SRRM1: variants seen among roughly 807,000 people sequenced by gnomAD.
SRRM1 encodes serine and arginine repetitive matrix 1.
In SRRM1, 19 loss-of-function variants were observed where a neutral mutation model predicts 110.2. That is an observed-to-expected ratio of 0.17 (90% CI 0.12 to 0.25). The LOEUF (loss-of-function observed/expected upper bound fraction) is 0.25, where lower values mean the gene tolerates loss of function less well. Among genes scored for constraint, SRRM1 ranks in the 10% least tolerant of loss-of-function variants. The probability of loss-of-function intolerance (pLI) is 1.00; values close to 1 mark genes in which losing one functional copy is unlikely to be tolerated. For missense variants in SRRM1, 918 were observed against 1,145.8 expected (o/e 0.80, Z 2.87); for synonymous variants, 443 against 414.9 (o/e 1.07, Z -0.82).
In SRRM1 at chr1:24,646,657, G is replaced by T. The variant is rs770257477; in HGVS notation, c.112-10G>T. 2 of 1,571,286 alleles carry T rather than the reference G, an allele frequency of 1.3e-6. No individual in the cohort carries two copies. Among genetic ancestry groups the T allele is most frequent in the South Asian group, 2.4e-5 (2 of 84,138 alleles). On this transcript the variant is annotated splice_polypyrimidine_tract_variant and intron_variant, in intron 2 of 16. Transcript: ENST00000323848. ...TGAAGTTGTACTTAATTGTTTCTATGTTTCATCAGGTGGACATGAGCAAAG... is the reference window on the plus strand; with the variant it reads ...TGAAGTTGTACTTAATTGTTTCTATTTTTCATCAGGTGGACATGAGCAAAG...
chr1:24,654,187 A>G (rs907905048), intron 8 of SRRM1: 2 of 704,340 alleles, frequency 2.8e-6, no homozygotes, highest in Admixed American at 2.8e-5. Flanking sequence ...GAGTTTTGCA[A>G]ACAGCATGTT....
rs1666719378 is a variant in SRRM1 at position 24,660,666 on chromosome 1, T to C, written c.1316-53T>C. 5.5e-6 allele frequency: 5 copies of C among 911,562 alleles called. No individual in the cohort carries two copies. The African/African-American group carries it at 6.8e-5, about 12-fold the overall frequency. The allele number at this position is 911,562 out of a possible 1,614,324, so 56.5% of individuals were successfully genotyped here. A position where few individuals can be genotyped will look rare whatever the true frequency, so the allele number is the denominator to read the frequency against. ...TTTAAAAATTAAAAGAAAAGCATCTTGTATAGACCTTTTTTTGTACGTAAG... is the reference window on the plus strand; with the variant it reads ...TTTAAAAATTAAAAGAAAAGCATCTCGTATAGACCTTTTTTTGTACGTAAG... On this transcript the variant is annotated intron_variant, in intron 9 of 16. Transcript: ENST00000323848.
In SRRM1 at chr1:24,653,032, G is replaced by T; in HGVS notation, c.1040G>T (p.Arg347Leu). ...RHRRSRSPVR[R>L]RRRSSASLSG... ...AGAAGGAGTAGATCTCCAGTAAGAC[G>T]GTAAGATTTTTTAAATTTGGAAGTG... Residue 347 changes from arginine to leucine, a missense_variant and splice_region_variant, in exon 8 of 17, where the codon CGA (arginine) becomes CTA (leucine). Around this residue, in one of 5 missense-constraint regions of SRRM1, gnomAD observed 456 missense variants for 453.5 expected, o/e 1.01. Transcript: ENST00000323848. 6.2e-7 allele frequency: 1 copy of T among 1,608,112 alleles called. No homozygotes were observed. The highest frequency in any genetic ancestry group is 1.1e-5 in the South Asian group (1 of 90,058).
chr1:24,672,051 C>G (rs896264634), intron 16 of SRRM1, 131 bp from the exon 17 acceptor site: 3 of 650,358 alleles, frequency 4.6e-6, no homozygotes, highest in Non-Finnish European at 8.1e-6. Flanking sequence ...AGGTATATCC[C>G]TCCCTGCTCC....
At position 24,669,537 on chromosome 1, in the gene SRRM1, T is replaced by A; in HGVS notation, c.2154T>A (p.Thr718=). ...GAAGGCAGTCCCCGTCTCCAAGTAC[T>A]AGGCCCATTAGGAGAGTCTCCAGGA... ...PQRRQSPSPS[T]RPIRRVSRTP... Residue 718 remains threonine (T), a synonymous_variant, in exon 14 of 17, where the codon ACT becomes ACA. Coordinates refer to ENST00000323848, the MANE Select transcript of SRRM1 (RefSeq NM_005839.4). 3.1e-6 allele frequency: 5 copies of A among 1,605,718 alleles called. No individual in the cohort carries two copies. The highest frequency in any genetic ancestry group is 4.3e-6 in the Non-Finnish European group (5 of 1,176,022).
chr1:24,654,606 T>C (rs566543629), intron 8 of SRRM1, among the ~76,000 whole-genome samples: 1 of 152,332 alleles, frequency 6.6e-6, no homozygotes, highest in Non-Finnish European at 1.5e-5. Context: ...CTGACAAGTT[T>C]TATAACTGGA....
At position 24,671,382 on chromosome 1, in the gene SRRM1, C is replaced by G; in HGVS notation, c.2401-4C>G. ...TGCTGGGTGTTGTTTTTTTTTCTTC[C>G]TAGAATTCAGATCAGGAAGGAGGTG... On this transcript the variant is annotated splice_region_variant and splice_polypyrimidine_tract_variant and intron_variant, in intron 15 of 16. Coordinates refer to ENST00000323848, the MANE Select transcript of SRRM1 (RefSeq NM_005839.4). 6.3e-7 allele frequency: 1 copy of G among 1,591,060 alleles called. No individual in the cohort carries two copies. Among genetic ancestry groups the G allele is most frequent in the South Asian group, 1.2e-5 (1 of 86,404 alleles).
chr1:24,656,567 A>G (rs1664225830), intron 9 of SRRM1, among the ~76,000 whole-genome samples: 1 of 152,182 alleles, frequency 6.6e-6, no homozygotes, highest in South Asian at 2.1e-4. Flanking sequence ...ATTTTCAGTT[A>G]CCATGTCCAA....
chr1:24,645,011 A>G (rs577150482), intron 1 of SRRM1, among the ~76,000 whole-genome samples: 1 of 152,184 alleles, frequency 6.6e-6, no homozygotes, highest in Non-Finnish European at 1.5e-5. Flanking sequence ...TTTTAGGGTC[A>G]TTATCTAGTA....
At chr1:24,658,311 A>G (rs1353078372) in intron 9 of SRRM1, among the ~76,000 whole-genome samples, 1 of 151,356 alleles carries the variant, frequency 6.6e-6, no homozygotes, top group Non-Finnish European at 1.5e-5. Context: ...CCCAGGTTCA[A>G]GCAATTCTCC....
chr1:24,668,331 C>T (rs78724702), intron 13 of SRRM1, among the ~76,000 whole-genome samples: 4,035 of 152,248 alleles, frequency 0.027, 163 homozygotes, highest in African/African-American at 0.093. Context: ...ATATGCTTTA[C>T]TACTAGTCTT....
At chr1:24,660,458 T>C (rs988549389) in intron 9 of SRRM1, among the ~76,000 whole-genome samples, 1 of 152,218 alleles carries the variant, frequency 6.6e-6, no homozygotes, top group Admixed American at 6.5e-5. Flanking sequence ...TAAATTCTTT[T>C]TGAGAGTAGT....
intron 12 of SRRM1, among the ~76,000 whole-genome samples, chr1:24,663,908 TAATAATA>T (rs1301375145): frequency 8.1e-6 from 1 of 123,464 alleles, no homozygotes; most frequent in Non-Finnish European, 1.7e-5. Flanking sequence ...ATAATAATAA[TAATAATA>T]AATAAAAGCG....
At position 24,657,614 on chromosome 1, in the gene SRRM1, A is replaced by G. The variant is rs564295249; in HGVS notation, c.1315+2485A>G. Among the ~76,000 whole-genome samples the G allele has an allele frequency of 3.3e-5, 5 of 152,250 alleles. No homozygotes were observed. The South Asian group carries it at 1.0e-3, about 32-fold the overall frequency. ...TCTGCTCTTGATAGTGGGCAAATGG[A>G]GTGGGAGGGAGGCAGGAAAAGTGTT... is the stretch of plus-strand genomic sequence containing the variant. On this transcript the variant is annotated intron_variant, in intron 9 of 16. Transcript: ENST00000323848.
intron 9 of SRRM1, among the ~76,000 whole-genome samples, chr1:24,657,813 G>T (rs982451834): frequency 2.0e-5 from 3 of 152,180 alleles, no homozygotes; most frequent in African/African-American, 7.2e-5. Flanking sequence ...ATCAATACTG[G>T]TGGTGACGGT....
rs1374306778 is a variant in SRRM1 at position 24,669,145 on chromosome 1, C to T, written c.1762C>T (p.Arg588Trp). The part of the protein sequence containing the change: ...RRRTPSPPPR[R>W]RSPSPRRYSP... ...TAGGACTCCTTCTCCTCCCCCACGT[C>T]GGCGCTCACCTTCTCCTAGAAGATA... The change falls in exon 14 of 17, where the codon CGG (arginine) becomes TGG (tryptophan). Residue 588 changes from arginine (R) to tryptophan (W), a missense_variant. This residue lies in a region of SRRM1 where 357 missense variants were observed against 402.9 expected (regional missense o/e 0.89). Coordinates refer to ENST00000323848, the MANE Select transcript of SRRM1 (RefSeq NM_005839.4). The T allele has an allele frequency of 6.2e-6, 10 of 1,609,254 alleles. No individual in the cohort carries two copies. Among genetic ancestry groups the T allele is most frequent in the African/African-American group, 1.3e-5 (1 of 74,856 alleles).
intron 12 of SRRM1, among the ~76,000 whole-genome samples, chr1:24,665,814 T>A (rs16829903): frequency 0.031 from 4,724 of 152,296 alleles, 272 homozygotes; most frequent in African/African-American, 0.11. Context: ...GTTGAAAAAT[T>A]TAGTGGTGAC....
In SRRM1 at chr1:24,666,827, G is replaced by A; in HGVS notation, c.1641G>A (p.Arg547=). 1 of 1,613,348 alleles carries A rather than the reference G, an allele frequency of 6.2e-7. No homozygotes were observed. The highest frequency in any genetic ancestry group is 1.1e-5 in the South Asian group (1 of 91,028). ...QKETSPRGRR[R]RSPSPPPTRR... The stretch of plus-strand genomic sequence containing the variant: ...CTTCTTGGTTTAGTGGTAGACGGAG[G>A]AGAAGTCCATCCCCACCACCCACCA... Residue 547 remains arginine, a synonymous_variant, in exon 13 of 17, where the codon AGG becomes AGA. Coordinates refer to ENST00000323848, the MANE Select transcript of SRRM1 (RefSeq NM_005839.4).
chr1:24,662,522 AATG>A, intron 11 of SRRM1, 135 bp from the exon 12 acceptor site: 1 of 654,546 alleles, frequency 1.5e-6, no homozygotes, highest in South Asian at 2.4e-5. Flanking sequence ...ATATATTGAT[AATG>A]ATTCTGTTCA....
Sources: allele counts gnomAD v4.1 joint callset (sites outside exome capture counted in the v4.1 genomes callset), GRCh38; gene constraint gnomAD v4.1.1; regional missense constraint gnomAD v4.1.1; transcripts MANE v1.5; gene names NCBI Gene and HGNC (gene_info 2026-07-23, HGNC 2026-07-21).